Variants in KLHL12 observed in about 807,000 individuals in gnomAD.
KLHL12 encodes kelch like family member 12.
Under a neutral mutation model 60.8 loss-of-function variants are expected in KLHL12, and 17 were observed. That is an observed-to-expected ratio of 0.28 (90% confidence interval 0.19 to 0.42). The LOEUF (loss-of-function observed/expected upper bound fraction) is 0.42. Ranked by LOEUF, KLHL12 falls within the 10% of genes least tolerant of loss-of-function variation. KLHL12 has a pLI of 1.00. For synonymous variants in KLHL12, 220 were observed against 250.9 expected (o/e 0.88, Z 1.16); for missense variants, 468 against 722.3 (o/e 0.65, Z 4.04).
chr1:202,912,096 T>G, intron 4 of KLHL12: 1 of 815,872 alleles, frequency 1.2e-6, no homozygotes, highest in South Asian at 1.3e-5. Context: ...CAAGGGAAGA[T>G]TCTCAAAGAC....
intron 6 of KLHL12, among the ~76,000 whole-genome samples, chr1:202,908,717 AAAT>A (rs1384588867): frequency 1.3e-5 from 2 of 152,246 alleles, no homozygotes; most frequent in African/African-American, 4.8e-5. Flanking sequence ...CACAGAATCT[AAAT>A]AATATTGACA....
chr1:202,908,936 T>C lies in KLHL12; in HGVS notation c.832+74A>G, dbSNP rs867543342. The C allele has an allele frequency of 6.4e-5, 60 of 930,578 alleles. No homozygotes were observed. In the African/African-American group the frequency reaches 7.5e-4, roughly 12 times the overall value. The allele number at this position is 930,578 out of a possible 1,614,324, so 57.6% of individuals were successfully genotyped here. ...GGTGTCTGTACTTCTTATAGAGTAT[T>C]ATTTTCAACTATGTTGTCACCTGCA... is the stretch of plus-strand genomic sequence containing the variant. On this transcript the variant is annotated intron_variant, in intron 6 of 11. Transcript: ENST00000367261.
intron 2 of KLHL12, 121 bp downstream of exon 2, chr1:202,924,847 C>T: frequency 8.5e-7 from 1 of 1,183,308 alleles, no homozygotes; most frequent in Non-Finnish European, 1.2e-6. Flanking sequence ...TATCCAGAAT[C>T]TGCCAAAACA....
intron 3 of KLHL12, among the ~76,000 whole-genome samples, chr1:202,919,368 T>C (rs6662413): frequency 0.55 from 82,913 of 152,124 alleles, 23,463 homozygotes; most frequent in Non-Finnish European, 0.62. Context: ...TGTATCTTAA[T>C]GAAATACTAC....
chr1:202,905,011 C>T (rs1387675554), intron 6 of KLHL12, among the ~76,000 whole-genome samples: 1 of 152,148 alleles, frequency 6.6e-6, no homozygotes, highest in African/African-American at 2.4e-5. Flanking sequence ...GGTTTAGCAG[C>T]CAATATGCAT....
rs929536684 is a variant in KLHL12, at chr1:202,927,173, G to C, written c.-130C>G. 2.0e-6 allele frequency: 2 copies of C among 985,084 alleles called. No homozygotes were observed. The highest frequency in any genetic ancestry group is 1.1e-4 in the East Asian group (1 of 8,756). 61.0% of individuals were successfully genotyped at this position (985,084 alleles called of 1,614,324 possible). ...GCGGCGCGGGGCTAGCAGGCGGCTCGGGAGGAGCCGAAGCGCCGCCCAGAC... is the reference window on the plus strand; with the variant it reads ...GCGGCGCGGGGCTAGCAGGCGGCTCCGGAGGAGCCGAAGCGCCGCCCAGAC... On this transcript the variant is annotated 5_prime_UTR_variant, in exon 1 of 12. Coordinates refer to ENST00000367261, the MANE Select transcript of KLHL12 (RefSeq NM_021633.4).
intron 6 of KLHL12, among the ~76,000 whole-genome samples, chr1:202,897,789 C>G (rs1185785405): frequency 6.6e-6 from 1 of 151,896 alleles, no homozygotes; most frequent in African/African-American, 2.4e-5. Flanking sequence ...AGGCTGATCT[C>G]AAACTCCTAG....
chr1:202,906,327 C>G (rs893101248), intron 6 of KLHL12, among the ~76,000 whole-genome samples: 7 of 149,360 alleles, frequency 4.7e-5, no homozygotes, highest in Middle Eastern at 7.0e-3. Flanking sequence ...TGGTGGCACA[C>G]ACCTGTAATC....
At chr1:202,906,117 C>A (rs1660178804) in intron 6 of KLHL12, among the ~76,000 whole-genome samples, 2 of 145,202 alleles carry the variant, frequency 1.4e-5, no homozygotes. Flanking sequence ...CCGCGCCCGG[C>A]CACCCAACCC....
chr1:202,908,090 T>A (rs183944432), intron 6 of KLHL12, among the ~76,000 whole-genome samples: 23 of 152,330 alleles, frequency 1.5e-4, no homozygotes, highest in Admixed American at 3.3e-4. Context: ...AATGTTTTTA[T>A]ACACTATACA....
At chr1:202,898,976 G>A (rs1659923385) in intron 6 of KLHL12, among the ~76,000 whole-genome samples, 1 of 151,108 alleles carries the variant, frequency 6.6e-6, no homozygotes, top group Non-Finnish European at 1.5e-5. Flanking sequence ...GACACACGTG[G>A]AAGTATGACA....
At chr1:202,923,563 G>A (rs924955126) in intron 2 of KLHL12, among the ~76,000 whole-genome samples, 13 of 152,194 alleles carry the variant, frequency 8.5e-5, no homozygotes, top group East Asian at 3.8e-4. Flanking sequence ...ATACTTCGGA[G>A]GCTAAGGCGG....
At position 202,894,697 on chromosome 1, in the gene KLHL12, C is replaced by T. The variant is rs1422599571; in HGVS notation, c.1188G>A (p.Met396Ile). The part of the protein sequence containing the change: ...GFDGSRRHTS[M>I]ERYDPNIDQW... ...GGTCAATGTTTGGATCATAGCGCTC[C>T]ATACTGGTGTGACGCCTGCTTCCAT... The change falls in exon 9 of 12, where the codon ATG becomes ATA. Residue 396 changes from methionine (M) to isoleucine (I), a missense_variant. By Grantham distance (10) the Met-to-Ile change is conservative. Coordinates refer to ENST00000367261, the MANE Select transcript of KLHL12 (RefSeq NM_021633.4). 6.2e-7 allele frequency: 1 copy of T among 1,614,114 alleles called. No individual in the cohort carries two copies. The highest frequency in any genetic ancestry group is 1.1e-5 in the South Asian group (1 of 91,078).
At chr1:202,924,481 C>T (rs370915927) in intron 2 of KLHL12, among the ~76,000 whole-genome samples, 18 of 152,210 alleles carry the variant, frequency 1.2e-4, no homozygotes, top group Non-Finnish European at 2.5e-4. Context: ...GGCTGGATGC[C>T]GTGGCTCACA....
Position 202,896,912 on chromosome 1 carries a change from G to A in KLHL12, c.881C>T (p.Ser294Phe). 6.2e-7 allele frequency: 1 copy of A among 1,614,160 alleles called. No homozygotes were observed. Among genetic ancestry groups the A allele is most frequent in the Non-Finnish European group, 8.5e-7 (1 of 1,180,022 alleles). ...LVVGGFGSQQSPIDVVEKYDP... is the reference protein window; with the variant it reads ...LVVGGFGSQQFPIDVVEKYDP... ...ATATTTCTCTACCACATCAATGGGA[G>A]ACTGCTGGCTTCCAAAGCCCCCAAC... The change falls in exon 7 of 12, where the codon TCT becomes TTT. Residue 294 changes from serine (S) to phenylalanine (F), a missense_variant. Ser to Phe is a radical substitution (Grantham distance 155, BLOSUM62 -2). Transcript: ENST00000367261.
chr1:202,926,119 A>AG (rs1653540231), intron 1 of KLHL12, among the ~76,000 whole-genome samples: 1 of 151,814 alleles, frequency 6.6e-6, no homozygotes, highest in Non-Finnish European at 1.5e-5. Context: ...AAAAAAAAAA[A>AG]AAAAGAAACT....
chr1:202,919,690 C>T (rs565929019), intron 3 of KLHL12, 65 bp downstream of exon 3: 2 of 1,447,180 alleles, frequency 1.4e-6, no homozygotes, highest in Non-Finnish European at 9.4e-7. Context: ...TAAGTTTACA[C>T]TATTAATTTT....
At chr1:202,896,230 A>C (rs1445123388) in intron 7 of KLHL12, among the ~76,000 whole-genome samples, 2 of 152,170 alleles carry the variant, frequency 1.3e-5, no homozygotes, top group African/African-American at 4.8e-5. Flanking sequence ...ACTATCACCC[A>C]GGCTGGAGTG....
chr1:202,892,698 T>G, intron 11 of KLHL12, 39 bp from the exon 12 acceptor site: 1 of 1,606,148 alleles, frequency 6.2e-7, no homozygotes. Context: ...ATGAGTCAGC[T>G]GCGTGCAGTG....
Sources: gnomAD v4.1 joint callset for allele counts (sites outside exome capture counted in the v4.1 genomes callset) on GRCh38, gnomAD v4.1.1 for gene constraint, MANE v1.5 for transcripts, NCBI Gene and HGNC (gene_info 2026-07-23, HGNC 2026-07-21) for gene names.